PXDN: variants seen among roughly 807,000 people sequenced by gnomAD.
The protein encoded by PXDN is peroxidasin.
A neutral mutation model predicts 140.3 loss-of-function variants in PXDN; 77 were observed. The observed-to-expected ratio is 0.55, with a 90% confidence interval of 0.46 to 0.66. The LOEUF (loss-of-function observed/expected upper bound fraction) is 0.66. PXDN is among the 30% of genes least tolerant of loss of function. PXDN has a pLI of 0.00. For synonymous variants in PXDN, 911 were observed against 857.4 expected (o/e 1.06, Z -1.09); for missense variants, 1,838 against 2,039.5 (o/e 0.90, Z 1.90).
intron 11 of PXDN, 104 bp downstream of exon 11, chr2:1,664,854 G>T: frequency 1.0e-6 from 1 of 1,001,734 alleles, no homozygotes. Flanking sequence ...TCCCAGCTCA[G>T]CCCTGTCCAG....
At chr2:1,743,669 AG>A in intron 1 of PXDN, among the ~76,000 whole-genome samples, 1 of 76,342 alleles carries the variant, frequency 1.3e-5, no homozygotes, top group Non-Finnish European at 2.4e-5. Context: ...AGGGGAAGGG[AG>A]GAGGAGGAGG....
chr2:1,744,116 C>G, intron 1 of PXDN, 140 bp downstream of exon 1: 1 of 943,294 alleles, frequency 1.1e-6, no homozygotes, highest in East Asian at 3.5e-5. Flanking sequence ...AGGTTCCCTT[C>G]TGCGTCCCAA....
chr2:1,690,267 GC>G (rs1329039291), intron 3 of PXDN, among the ~76,000 whole-genome samples: 5 of 152,162 alleles, frequency 3.3e-5, no homozygotes, highest in Non-Finnish European at 2.9e-5. Flanking sequence ...ACTGGCCTGT[GC>G]TTCTTCCACC....
At chr2:1,657,421 T>A (rs1683170863) in intron 14 of PXDN, among the ~76,000 whole-genome samples, 2 of 151,322 alleles carry the variant, frequency 1.3e-5, no homozygotes, top group Non-Finnish European at 2.9e-5. Context: ...TGCCCTGTCC[T>A]AACTGAAACC....
chr2:1,661,958 G>C, intron 13 of PXDN, 114 bp downstream of exon 13: 1 of 880,120 alleles, frequency 1.1e-6, no homozygotes, highest in Non-Finnish European at 1.8e-6. Context: ...GCAGAGGGGA[G>C]GCTGGGGCGT....
chr2:1,659,724 ACAC>A (rs1683258923), intron 14 of PXDN, among the ~76,000 whole-genome samples: 2 of 152,244 alleles, frequency 1.3e-5, no homozygotes, highest in African/African-American at 4.8e-5. Flanking sequence ...ACTTAATTTT[ACAC>A]TTAATTTTAC....
intron 17 of PXDN, 86 bp from the exon 18 acceptor site, chr2:1,644,838 T>C (rs1391287305): frequency 7.9e-7 from 1 of 1,270,602 alleles, no homozygotes; most frequent in Non-Finnish European, 1.0e-6. Flanking sequence ...GTTCTTTCTT[T>C]CTATCACTAT....
At chr2:1,699,947 T>C (rs1032156307) in intron 1 of PXDN, among the ~76,000 whole-genome samples, 2 of 152,196 alleles carry the variant, frequency 1.3e-5, no homozygotes, top group African/African-American at 4.8e-5. Flanking sequence ...TTCTAACTAA[T>C]AAGAGCCAGG....
At position 1,651,780 on chromosome 2, in the gene PXDN, T is replaced by C. The variant is rs757740287; in HGVS notation, c.2104+1848A>G. Among the ~76,000 whole-genome samples, 20 of 152,340 alleles carry C rather than the reference T, an allele frequency of 1.3e-4. No individual in the cohort carries two copies. The South Asian group carries it at 1.5e-3, about 11-fold the overall frequency. Reference sequence around the variant, plus strand: ...AGGGCACCACCCACCTCCCGCCTGCTGTTTCTCTCTGGGTCACTCGCTGGG... The same window carrying C: ...AGGGCACCACCCACCTCCCGCCTGCCGTTTCTCTCTGGGTCACTCGCTGGG... On this transcript the variant is annotated intron_variant, in intron 16 of 22. Coordinates refer to ENST00000252804, the MANE Select transcript of PXDN (RefSeq NM_012293.3). The surrounding 1 kb of genome is among the most constrained non-coding windows in gnomAD (Gnocchi z 4.4).
chr2:1,642,316 T>C (rs1468177723), intron 19 of PXDN, among the ~76,000 whole-genome samples: 1 of 152,180 alleles, frequency 6.6e-6, no homozygotes, highest in Non-Finnish European at 1.5e-5. Flanking sequence ...CACAGCTCTA[T>C]TATCAGTGCA....
intron 1 of PXDN, among the ~76,000 whole-genome samples, chr2:1,732,834 TAG>T (rs1685340844): frequency 6.6e-6 from 1 of 152,234 alleles, no homozygotes; most frequent in Non-Finnish European, 1.5e-5. Flanking sequence ...CCACAGATGT[TAG>T]AGTTAGCAGA....
chr2:1,637,222 A>AC (rs1287517156), intron 21 of PXDN, among the ~76,000 whole-genome samples: 5 of 151,734 alleles, frequency 3.3e-5, no homozygotes, highest in Non-Finnish European at 2.9e-5. Flanking sequence ...TCCCCAGTGG[A>AC]CCCCCCTAGG....
In PXDN at chr2:1,731,102, A is replaced by G. The variant is rs552600606; in HGVS notation, c.200+13154T>C. 1.8e-4 allele frequency among the ~76,000 whole-genome samples: 27 copies of G among 152,258 alleles called. No homozygotes were observed. The South Asian group carries it at 4.1e-3, about 23-fold the overall frequency. Reference sequence around the variant, plus strand: ...CAGACCTCTCTGAAAAGTGATAAGCAGGCAGAGCTGCTCCATCCTTGCCAA... The same window carrying G: ...CAGACCTCTCTGAAAAGTGATAAGCGGGCAGAGCTGCTCCATCCTTGCCAA... On this transcript the variant is annotated intron_variant, in intron 1 of 22. Transcript: ENST00000252804.
chr2:1,741,090 G>C (rs964252126), intron 1 of PXDN, among the ~76,000 whole-genome samples: 1 of 152,160 alleles, frequency 6.6e-6, no homozygotes, highest in Non-Finnish European at 1.5e-5. Context: ...CCAGGGAAGA[G>C]AGGAAGGCAG....
intron 9 of PXDN, among the ~76,000 whole-genome samples, chr2:1,667,176 G>A (rs750347347): frequency 5.9e-5 from 9 of 152,076 alleles, no homozygotes; most frequent in Non-Finnish European, 1.2e-4. Flanking sequence ...CATAACTGAA[G>A]GAGACAGAGA....
In PXDN at chr2:1,700,155, G is replaced by A. The variant is rs564558702; in HGVS notation, c.201-7021C>T. ...CAGGTCACTGCAACCACCGCCTCCC[G>A]GGTTCAAGCAATTCTCCTGCCTCAG... On this transcript the variant is annotated intron_variant, in intron 1 of 22. Transcript: ENST00000252804. Among the ~76,000 whole-genome samples the A allele has an allele frequency of 2.6e-5, 4 of 152,160 alleles. No homozygotes were observed. In the East Asian group the frequency reaches 7.7e-4, roughly 29 times the overall value.
At chr2:1,676,422 G>A (rs1683712545) in intron 8 of PXDN, 1 of 157,634 alleles carries the variant, frequency 6.3e-6, no homozygotes, top group South Asian at 1.9e-4. Context: ...CTTTGTTTGG[G>A]AGACAAGTTA....
At chr2:1,720,216 G>A (rs1366052159) in intron 1 of PXDN, among the ~76,000 whole-genome samples, 1 of 89,832 alleles carries the variant, frequency 1.1e-5, no homozygotes, top group Non-Finnish European at 2.3e-5. Context: ...GCAGAGAGAG[G>A]GAGGGATGCA....
At position 1,744,387 on chromosome 2, in the gene PXDN, C is replaced by A. The variant is rs995355920; in HGVS notation, c.69G>T (p.Gly23=). Residue 23 remains glycine, a synonymous_variant, in exon 1 of 23, where the codon GGG becomes GGT. Coordinates refer to ENST00000252804, the MANE Select transcript of PXDN (RefSeq NM_012293.3). The part of the protein sequence containing the change: ...LLALVLFCAW[G]TLAVVAQKPG... ...GCTTCTGGGCCACCACGGCCAGCGT[C>A]CCCCAGGCGCAGAACAGCACGAGCG... is the stretch of plus-strand genomic sequence containing the variant. 8 of 1,526,132 alleles carry A rather than the reference C, an allele frequency of 5.2e-6. No individual in the cohort carries two copies. Among genetic ancestry groups the A allele is most frequent in the East Asian group, 5.0e-5 (2 of 39,890 alleles). 94.5% of individuals were successfully genotyped at this position (1,526,132 alleles called of 1,614,324 possible).
Sources: gnomAD v4.1 joint callset for allele counts (sites outside exome capture counted in the v4.1 genomes callset) on GRCh38, gnomAD v4.1.1 for gene constraint, Gnocchi (gnomAD v3.1) non-coding constraint, MANE v1.5 for transcripts, NCBI Gene and HGNC (gene_info 2026-07-23, HGNC 2026-07-21) for gene names.